The following CADM2 variants were observed in gnomAD, a reference collection of about 807,000 sequenced individuals.
CADM2 encodes cell adhesion molecule 2, also known as immunoglobulin superfamily member 4D.
Under a neutral mutation model 49.8 loss-of-function variants are expected in CADM2, and 12 were observed. The ratio of observed to expected loss-of-function variants is 0.24; its 90% CI spans 0.15 to 0.39. The LOEUF (loss-of-function observed/expected upper bound fraction) is 0.39. Ranked by LOEUF, CADM2 falls within the 10% of genes least tolerant of loss-of-function variation. CADM2 has a pLI of 1.00. For synonymous variants in CADM2, 214 were observed against 175.4 expected (o/e 1.22, Z -1.74); for missense variants, 378 against 492.3 (o/e 0.77, Z 2.20).
intron 1 of CADM2, among the ~76,000 whole-genome samples, chr3:85,074,578 C>T (rs1448674348): frequency 4.6e-5 from 7 of 152,176 alleles, no homozygotes; most frequent in East Asian, 3.9e-4. Context: ...AATTTGTGTT[C>T]AATATGTTTC....
intron 3 of CADM2, among the ~76,000 whole-genome samples, chr3:85,809,877 CATCTT>C (rs1327776316): frequency 6.6e-6 from 1 of 150,534 alleles, no homozygotes; most frequent in East Asian, 2.0e-4. Flanking sequence ...CTCTTCAAAA[CATCTT>C]ATCTCATATT....
intron 1 of CADM2, among the ~76,000 whole-genome samples, chr3:85,572,830 C>T (rs1399169927): frequency 2.6e-5 from 4 of 152,158 alleles, no homozygotes; most frequent in African/African-American, 9.7e-5. Flanking sequence ...TGCCCTACCA[C>T]ACTGAAGATA....
chr3:85,141,381 C>T (rs578223292), intron 1 of CADM2, among the ~76,000 whole-genome samples: 5 of 152,226 alleles, frequency 3.3e-5, no homozygotes, highest in African/African-American at 1.2e-4. Flanking sequence ...ATGTAAAGTG[C>T]TTAAACAGGG....
chr3:85,279,490 A>T (rs1166628245), intron 1 of CADM2, among the ~76,000 whole-genome samples: 4 of 151,510 alleles, frequency 2.6e-5, no homozygotes, highest in Admixed American at 6.6e-5. Context: ...CTTTTCAAGA[A>T]ATAAAATTTA....
intron 1 of CADM2, among the ~76,000 whole-genome samples, chr3:85,498,293 T>C (rs1215206598): frequency 6.6e-6 from 1 of 151,974 alleles, no homozygotes; most frequent in Non-Finnish European, 1.5e-5. Flanking sequence ...GGTTGTGATG[T>C]CCCTTTCACA....
At chr3:85,357,347 T>G (rs2031950378) in intron 1 of CADM2, among the ~76,000 whole-genome samples, 1 of 152,116 alleles carries the variant, frequency 6.6e-6, no homozygotes, top group Non-Finnish European at 1.5e-5. Context: ...TCATTTTACC[T>G]TTTACCTGAC....
At position 86,074,132 on chromosome 3, in the gene CADM2, A is replaced by T. The variant is rs1578121608; in HGVS notation, c.*7349A>T. The T allele has an allele frequency of 6.6e-6, 1 of 152,070 alleles. No homozygotes were observed. Among genetic ancestry groups the T allele is most frequent in the Middle Eastern group, 3.4e-3 (1 of 294 alleles). The allele number at this position is 152,070 out of a possible 1,614,324, so 9.4% of individuals were successfully genotyped here. A position where few individuals can be genotyped will look rare whatever the true frequency, so the allele number is the denominator to read the frequency against. On this transcript the variant is annotated 3_prime_UTR_variant, in exon 10 of 10. Coordinates refer to ENST00000383699, the MANE Select transcript of CADM2 (RefSeq NM_001167675.2). The stretch of plus-strand genomic sequence containing the variant: ...AAAAATACCTAAACCTATTTTTTTT[A>T]ACCTTCACACTCTAACCAGTATTAT...
At chr3:86,007,894 G>A (rs1302798218) in intron 8 of CADM2, among the ~76,000 whole-genome samples, 2 of 152,138 alleles carry the variant, frequency 1.3e-5, no homozygotes, top group African/African-American at 4.8e-5. Flanking sequence ...TTTCAGATGA[G>A]CAATGTCTTG....
chr3:85,089,391 A>G (rs1359551363), intron 1 of CADM2, among the ~76,000 whole-genome samples: 1 of 152,194 alleles, frequency 6.6e-6, no homozygotes, highest in Non-Finnish European at 1.5e-5. Flanking sequence ...TAATTTGAGT[A>G]TTTTAAACTT....
At chr3:85,610,241 C>A (rs1215453297) in intron 1 of CADM2, among the ~76,000 whole-genome samples, 1 of 151,830 alleles carries the variant, frequency 6.6e-6, no homozygotes, top group Non-Finnish European at 1.5e-5. Flanking sequence ...TGAATGCAGT[C>A]AAATGGTAGT....
At chr3:85,523,588 T>G (rs2061080912) in intron 1 of CADM2, among the ~76,000 whole-genome samples, 1 of 151,934 alleles carries the variant, frequency 6.6e-6, no homozygotes, top group Admixed American at 6.6e-5. Context: ...TATCTGAAAT[T>G]TTTTTCTGGA....
chr3:85,785,080 A>C (rs1040499663), intron 2 of CADM2, among the ~76,000 whole-genome samples: 2 of 152,086 alleles, frequency 1.3e-5, no homozygotes, highest in Non-Finnish European at 2.9e-5. Context: ...TATAGTTAAC[A>C]TAATAAACTC....
intron 1 of CADM2, among the ~76,000 whole-genome samples, chr3:85,646,794 A>G (rs931140373): frequency 6.6e-6 from 1 of 151,896 alleles, no homozygotes; most frequent in Non-Finnish European, 1.5e-5. Flanking sequence ...ATAAAATATT[A>G]TAATATATTT....
chr3:84,959,504 G>C lies in CADM2; in HGVS notation c.-104G>C, dbSNP rs1366292519. ...CAGCGGTGGGGACGGTGGGTCCGGC[G>C]GGCGCCGGGAGGAGGACACCAGCGG... On this transcript the variant is annotated 5_prime_UTR_variant, in exon 1 of 10. Transcript: ENST00000383699. 8.7e-7 allele frequency: 1 copy of C among 1,142,984 alleles called. No individual in the cohort carries two copies. Among genetic ancestry groups the C allele is most frequent in the Non-Finnish European group, 1.2e-6 (1 of 803,308 alleles). The allele number at this position is 1,142,984 out of a possible 1,614,324, so 70.8% of individuals were successfully genotyped here.
At chr3:85,187,670 G>A (rs886391980) in intron 1 of CADM2, among the ~76,000 whole-genome samples, 1 of 151,964 alleles carries the variant, frequency 6.6e-6, no homozygotes, top group Non-Finnish European at 1.5e-5. Context: ...AAAATTTAAA[G>A]TATAATTATT....
intron 1 of CADM2, among the ~76,000 whole-genome samples, chr3:85,717,137 G>A (rs1424688823): frequency 2.0e-5 from 3 of 152,168 alleles, no homozygotes; most frequent in Admixed American, 1.3e-4. Flanking sequence ...AGCATGGAAT[G>A]TTTTTCCATT....
At chr3:84,968,711 C>G (rs1315001401) in intron 1 of CADM2, among the ~76,000 whole-genome samples, 1 of 151,954 alleles carries the variant, frequency 6.6e-6, no homozygotes, top group East Asian at 1.9e-4. Context: ...GGGATTGTTC[C>G]TTTCACTTTC....
At chr3:84,981,451 A>G (rs1367698464) in intron 1 of CADM2, among the ~76,000 whole-genome samples, 3 of 152,078 alleles carry the variant, frequency 2.0e-5, no homozygotes, top group Non-Finnish European at 2.9e-5. Context: ...ACTATTTATA[A>G]ATCTATACAT....
intron 2 of CADM2, among the ~76,000 whole-genome samples, chr3:85,734,998 G>GTGTT (rs911694870): frequency 8.6e-5 from 13 of 150,896 alleles, no homozygotes; most frequent in African/African-American, 3.2e-4. Context: ...GTGTGTGTGT[G>GTGTT]TATGTGTGTG....
Sources: gnomAD v4.1 joint callset for allele counts (sites outside exome capture counted in the v4.1 genomes callset) on GRCh38, gnomAD v4.1.1 for gene constraint, MANE v1.5 for transcripts, NCBI Gene and HGNC (gene_info 2026-07-23, HGNC 2026-07-21) for gene names.